Variants in SNCG observed in about 807,000 individuals in gnomAD.
SNCG encodes the protein gamma-synuclein.
In SNCG, 13 loss-of-function variants were observed where a neutral mutation model predicts 16.0. The ratio of observed to expected loss-of-function variants is 0.81; its 90% CI spans 0.53 to 1.29. SNCG has a LOEUF of 1.29. Ranked by LOEUF, SNCG falls within the 50% of genes most tolerant of loss-of-function variation. The pLI is 0.00. For missense variants in SNCG, 154 were observed against 168.5 expected, an observed-to-expected ratio of 0.91 and a Z score of 0.48; for synonymous variants, 66 against 66.3, an observed-to-expected ratio of 1.00 and a Z score of 0.02.
At chr10:86,960,513 C>T (rs1467493758) in intron 3 of SNCG, among the ~76,000 whole-genome samples, 1 of 152,118 alleles carries the variant, frequency 6.6e-6, no homozygotes, top group Non-Finnish European at 1.5e-5. Context: ...TGAGTAGCAC[C>T]AGCCCCGCCC....
chr10:86,958,905 A>G, intron 1 of SNCG, 87 bp downstream of exon 1: 1 of 1,448,560 alleles, frequency 6.9e-7, no homozygotes, highest in Non-Finnish European at 9.4e-7. Flanking sequence ...CCCCAGCCCC[A>G]GGGAGGCATT....
Position 86,959,894 on chromosome 10 carries a change from A to C in SNCG, c.164-107A>C. On this transcript the variant is annotated intron_variant, in intron 2 of 4. Transcript: ENST00000372017. The surrounding 1 kb of genome is among the most constrained non-coding windows in gnomAD (Gnocchi z 4.3). Reference sequence around the variant, plus strand: ...GTCAGAGGGAGCAGGGGAGGGTCCCAGCAGGGCCAGGGCTCTGAGCTCCTG... The same window carrying C: ...GTCAGAGGGAGCAGGGGAGGGTCCCCGCAGGGCCAGGGCTCTGAGCTCCTG... 6.6e-7 allele frequency: 1 copy of C among 1,511,810 alleles called. No homozygotes were observed. The highest frequency in any genetic ancestry group is 2.5e-5 in the East Asian group (1 of 40,512). 93.6% of individuals were successfully genotyped at this position (1,511,810 alleles called of 1,614,324 possible). A position where few individuals can be genotyped will look rare whatever the true frequency, so the allele number is the denominator to read the frequency against.
rs895439841 is a variant in SNCG, at chr10:86,959,553, C to T, written c.122-80C>T. 2 of 1,332,342 alleles carry T rather than the reference C, an allele frequency of 1.5e-6. No individual in the cohort carries two copies. Among genetic ancestry groups the T allele is most frequent in the South Asian group, 1.2e-5 (1 of 84,060 alleles). 82.5% of individuals were successfully genotyped at this position (1,332,342 alleles called of 1,614,324 possible). ...CCCCCCACCGACCCCACAGTTTGTC[C>T]AGCTGTTCTGTTGTGTTTGTCCTGA... On this transcript the variant is annotated intron_variant, in intron 1 of 4. Transcript: ENST00000372017. This position sits in a 1 kb window ranked among gnomAD's most constrained non-coding sequence, Gnocchi z 4.3.
rs1564737592 is a variant in SNCG at position 86,959,647 on chromosome 10, G to A, written c.136G>A (p.Glu46Lys). ...TTCCTCCCCAGGAGCCAAGACCAAG[G>A]AGAATGTTGTACAGAGCGTGACCTC... ...GVMYVGAKTK[E>K]NVVQSVTSVA... is the part of the protein sequence containing the mutation. Residue 46 changes from glutamate (E) to lysine (K), a missense_variant, in exon 2 of 5, where the codon GAG (glutamate) becomes AAG (lysine). Coordinates refer to ENST00000372017, the MANE Select transcript of SNCG (RefSeq NM_003087.3). The surrounding 1 kb of genome is among the most constrained non-coding windows in gnomAD (Gnocchi z 4.3). 2.5e-6 allele frequency: 4 copies of A among 1,613,510 alleles called. No individual in the cohort carries two copies. The highest frequency in any genetic ancestry group is 3.4e-6 in the Non-Finnish European group (4 of 1,179,784).
chr10:86,960,220 A>G lies in SNCG; in HGVS notation c.291+92A>G, dbSNP rs1337418166. ...GCATCACTCCACTCCACACCCCAGG[A>G]AACAACACGGGGGGCTGCGGCTGGC... is the stretch of plus-strand genomic sequence containing the variant. On this transcript the variant is annotated intron_variant, in intron 3 of 4. Coordinates refer to ENST00000372017, the MANE Select transcript of SNCG (RefSeq NM_003087.3). The G allele has an allele frequency of 3.1e-6, 4 of 1,272,346 alleles. No homozygotes were observed. In the African/African-American group the frequency reaches 4.4e-5, roughly 14 times the overall value. The allele number at this position is 1,272,346 out of a possible 1,614,324, so 78.8% of individuals were successfully genotyped here.
intron 3 of SNCG, 143 bp downstream of exon 3, chr10:86,960,271 C>T (rs753737100): frequency 2.8e-5 from 22 of 789,292 alleles, no homozygotes; most frequent in Non-Finnish European, 3.7e-5. Flanking sequence ...CACTGAGCGC[C>T]GGCATGGGGT....
upstream of SNCG, chr10:86,958,066 A>C: frequency 1.0e-6 from 1 of 985,362 alleles, no homozygotes; most frequent in Non-Finnish European, 1.2e-6. Flanking sequence ...GAAGTCCTTC[A>C]TTTCCCCACC....
At chr10:86,957,780 A>G (rs1589310369), upstream of SNCG, 4 of 1,328,324 alleles carry the variant, frequency 3.0e-6, no homozygotes, top group Non-Finnish European at 3.8e-6. Flanking sequence ...GACTTGGCTC[A>G]GGGACTCTGG....
Position 86,960,050 on chromosome 10 carries a change from G to A in SNCG, c.213G>A (p.Val71=). ...CCAACGCCGTGAGCGAGGCTGTGGT[G>A]AGCAGCGTCAACACTGTGGCCACCA... ...EQANAVSEAV[V]SSVNTVATKT... Residue 71 remains valine, a synonymous_variant, in exon 3 of 5, where the codon GTG becomes GTA. Coordinates refer to ENST00000372017, the MANE Select transcript of SNCG (RefSeq NM_003087.3). The A allele has an allele frequency of 1.2e-6, 2 of 1,612,726 alleles. No homozygotes were observed. Among genetic ancestry groups the A allele is most frequent in the Non-Finnish European group, 1.7e-6 (2 of 1,179,682 alleles).
chr10:86,960,854 C>T (rs183648860), intron 3 of SNCG, among the ~76,000 whole-genome samples: 8 of 152,348 alleles, frequency 5.3e-5, no homozygotes, highest in Non-Finnish European at 7.3e-5. Context: ...ACGCATTGTA[C>T]GCTTATTAGT....
chr10:86,956,010 T>A (rs576549081), upstream of SNCG, among the ~76,000 whole-genome samples: 399 of 152,014 alleles, frequency 2.6e-3, no homozygotes, highest in South Asian at 7.5e-3. Flanking sequence ...AGCAGCTCCC[T>A]CCTCCCTCCC....
chr10:86,957,352 C>T (rs757703706), upstream of SNCG: 1 of 1,611,630 alleles, frequency 6.2e-7, no homozygotes, highest in Non-Finnish European at 8.5e-7. Context: ...ACTCCATGAC[C>T]TCTGCCAAGG....
chr10:86,963,016 G>A lies in SNCG; in HGVS notation c.*31G>A, dbSNP rs1356368944. The A allele has an allele frequency of 6.3e-7, 1 of 1,594,500 alleles. No individual in the cohort carries two copies. The highest frequency in any genetic ancestry group is 8.5e-7 in the Non-Finnish European group (1 of 1,170,966). ...TACAGGCCAGCGTGGATGACCTGAA[G>A]AGCGCTCCTCTGCCTTGGACACCAT... On this transcript the variant is annotated 3_prime_UTR_variant, in exon 5 of 5. Coordinates refer to ENST00000372017, the MANE Select transcript of SNCG (RefSeq NM_003087.3).
rs950110195 is a variant in SNCG, at chr10:86,959,777, T to A, written c.163+103T>A. On this transcript the variant is annotated intron_variant, in intron 2 of 4. Transcript: ENST00000372017. This position sits in a 1 kb window ranked among gnomAD's most constrained non-coding sequence, Gnocchi z 4.3. ...CCTAGAGTCCTGCCTTACCCCCAAC[T>A]GGGGTCCCAAGCCCTACAGACCCCT... 1 of 1,303,558 alleles carries A rather than the reference T, an allele frequency of 7.7e-7. No individual in the cohort carries two copies. Among genetic ancestry groups the A allele is most frequent in the Middle Eastern group, 1.9e-4 (1 of 5,196 alleles). 80.7% of individuals were successfully genotyped at this position (1,303,558 alleles called of 1,614,324 possible).
rs190245686 is a variant in SNCG at position 86,962,238 on chromosome 10, C to T, written c.292-366C>T. ...CCAATCAGTCTTCCTTGTAGGGCTA[C>T]TGAGGGTGGGGTCAGACCTGGGGCT... On this transcript the variant is annotated intron_variant, in intron 3 of 4. Transcript: ENST00000372017. Among the ~76,000 whole-genome samples, 1,311 of 145,998 alleles carry T rather than the reference C, an allele frequency of 9.0e-3. 16 individuals carry two copies. Among genetic ancestry groups the T allele is most frequent in the African/African-American group, 0.03 (1,227 of 41,286 alleles).
At chr10:86,956,302 GC>G (rs1420227153), upstream of SNCG, among the ~76,000 whole-genome samples, 1 of 152,130 alleles carries the variant, frequency 6.6e-6, no homozygotes, top group East Asian at 1.9e-4. Context: ...GGGGCCTCTT[GC>G]CCCTCCCTGG....
rs778171789 is a variant in SNCG at position 86,959,595 on chromosome 10, G to A, written c.122-38G>A. On this transcript the variant is annotated intron_variant, in intron 1 of 4. Coordinates refer to ENST00000372017, the MANE Select transcript of SNCG (RefSeq NM_003087.3). The surrounding 1 kb of genome is among the most constrained non-coding windows in gnomAD (Gnocchi z 4.3). ...TTGTCCTGACCGCCCCCAACACCTC[G>A]AGGGAGGTCTGGGCTGACAGCTCCA... The A allele has an allele frequency of 5.0e-6, 8 of 1,606,716 alleles. No individual in the cohort carries two copies. Among genetic ancestry groups the A allele is most frequent in the Admixed American group, 3.3e-5 (2 of 59,930 alleles).
At chr10:86,958,933 C>T (rs1844287094) in intron 1 of SNCG, 115 bp downstream of exon 1, 12 of 1,174,818 alleles carry the variant, frequency 1.0e-5, no homozygotes, top group Non-Finnish European at 1.2e-5. Context: ...GGGGCGAGGC[C>T]CTGGCTATCA....
upstream of SNCG, chr10:86,957,812 G>T (rs1295005374): frequency 1.6e-6 from 2 of 1,249,350 alleles, no homozygotes; most frequent in African/African-American, 1.5e-5. Flanking sequence ...ACATGGGGTG[G>T]CCCCACCAAA....
Sources: allele counts gnomAD v4.1 joint callset (sites outside exome capture counted in the v4.1 genomes callset), GRCh38; gene constraint gnomAD v4.1.1; non-coding constraint Gnocchi (gnomAD v3.1); transcripts MANE v1.5; gene names NCBI Gene and HGNC (gene_info 2026-07-23, HGNC 2026-07-21).